DDR2: variants seen among roughly 807,000 people sequenced by gnomAD.
DDR2 encodes discoidin domain receptor tyrosine kinase 2, also known as discoidin domain-containing receptor 2.
Under a neutral mutation model 94.9 loss-of-function variants are expected in DDR2, and 27 were observed. That is an observed-to-expected ratio of 0.28 (90% CI 0.21 to 0.39). DDR2 has a LOEUF of 0.39. DDR2 is among the 10% of genes least tolerant of loss of function. The pLI, the probability that DDR2 is intolerant of heterozygous loss-of-function variation, is 1.00. For missense variants in DDR2, 783 were observed against 1,076.0 expected (o/e 0.73, Z 3.81); for synonymous variants, 382 against 377.2 (o/e 1.01, Z -0.15).
intron 14 of DDR2, among the ~76,000 whole-genome samples, chr1:162,774,029 C>A (rs1453996020): frequency 7.3e-6 from 1 of 137,272 alleles, no homozygotes; most frequent in Admixed American, 7.9e-5. Flanking sequence ...TTTCTCATCC[C>A]TTTTTTCTCT....
chr1:162,671,707 C>G (rs4656378), intron 2 of DDR2, among the ~76,000 whole-genome samples: 146,655 of 152,296 alleles, frequency 0.96, 70,865 homozygotes, highest in Middle Eastern at 1. Flanking sequence ...ATCTCTAGCT[C>G]CCTGATGGAC....
intron 2 of DDR2, among the ~76,000 whole-genome samples, chr1:162,681,706 A>G (rs1286425229): frequency 6.6e-6 from 1 of 152,124 alleles, no homozygotes; most frequent in Non-Finnish European, 1.5e-5. Context: ...CCTTAGTATA[A>G]GGGTACTAGT....
At chr1:162,673,606 TGTGAGAGAGA>T (rs1458217818) in intron 2 of DDR2, among the ~76,000 whole-genome samples, 36 of 101,086 alleles carry the variant, frequency 3.6e-4, no homozygotes, top group African/African-American at 1.7e-3. Context: ...TGTGTGTGTG[TGTGAGAGAGA>T]GAGAGAGAGA....
intron 2 of DDR2, among the ~76,000 whole-genome samples, chr1:162,699,145 A>T (rs1309912184): frequency 6.6e-6 from 1 of 152,230 alleles, no homozygotes; most frequent in Non-Finnish European, 1.5e-5. Flanking sequence ...ATGCCTGTGA[A>T]TGTGGGGAGA....
chr1:162,743,446 C>T (rs535434728), intron 3 of DDR2, among the ~76,000 whole-genome samples: 1 of 152,252 alleles, frequency 6.6e-6, no homozygotes, highest in Non-Finnish European at 1.5e-5. Context: ...ATAAATTTGC[C>T]TCTCTCTGAC....
At chr1:162,747,262 A>G (rs1306358948) in intron 3 of DDR2, among the ~76,000 whole-genome samples, 1 of 152,182 alleles carries the variant, frequency 6.6e-6, no homozygotes, top group African/African-American at 2.4e-5. Context: ...CAAAGAAGCT[A>G]AAAACCTTGA....
intron 1 of DDR2, among the ~76,000 whole-genome samples, chr1:162,645,775 T>C (rs1657377054): frequency 1.3e-5 from 2 of 152,186 alleles, no homozygotes; most frequent in African/African-American, 4.8e-5. Flanking sequence ...TTCTATGAGG[T>C]GTCATTTGAT....
At chr1:162,668,228 A>C (rs779590607) in intron 2 of DDR2, among the ~76,000 whole-genome samples, 1 of 152,224 alleles carries the variant, frequency 6.6e-6, no homozygotes, top group African/African-American at 2.4e-5. Flanking sequence ...TTGGAAAGCC[A>C]CTGGAAGTAA....
chr1:162,755,540 C>T lies in DDR2; in HGVS notation c.566-124C>T, dbSNP rs377026229. On this transcript the variant is annotated intron_variant, in intron 6 of 17. Coordinates refer to ENST00000367921, the MANE Select transcript of DDR2 (RefSeq NM_006182.4). ...GGAGGGGCACTCCTCCAAAGTCTTC[C>T]CTCGGTGTCCAGATGGAGTCCTGCT... 1.3e-4 allele frequency: 138 copies of T among 1,085,114 alleles called. No homozygotes were observed. In the South Asian group the frequency reaches 1.7e-3, roughly 13 times the overall value. 67.2% of individuals were successfully genotyped at this position (1,085,114 alleles called of 1,614,324 possible).
At chr1:162,669,371 T>A (rs1299470890) in intron 2 of DDR2, among the ~76,000 whole-genome samples, 1 of 152,232 alleles carries the variant, frequency 6.6e-6, no homozygotes, top group Non-Finnish European at 1.5e-5. Flanking sequence ...GTTCAAAGGC[T>A]ATGAAACAAT....
In DDR2 at chr1:162,670,173, C is replaced by G. The variant is rs564777336; in HGVS notation, c.-28+14799C>G. 5.3e-5 allele frequency among the ~76,000 whole-genome samples: 8 copies of G among 152,280 alleles called. No homozygotes were observed. In the South Asian group the frequency reaches 1.7e-3, roughly 32 times the overall value. ...TCGCCCAGGCTGGAGTGCAGTGGCA[C>G]GATCTCAGCTCACTGCGACCTCTGC... is the stretch of plus-strand genomic sequence containing the variant. On this transcript the variant is annotated intron_variant, in intron 2 of 17. Coordinates refer to ENST00000367921, the MANE Select transcript of DDR2 (RefSeq NM_006182.4).
rs1460257725 is a variant in DDR2, at chr1:162,748,892, C to T, written c.83-4203C>T. ...AACTACATGGAAACTGAACAACCTG[C>T]TCCTGAATGACTACTGGGTACATAA... On this transcript the variant is annotated intron_variant, in intron 3 of 17. Coordinates refer to ENST00000367921, the MANE Select transcript of DDR2 (RefSeq NM_006182.4). 6.6e-5 allele frequency among the ~76,000 whole-genome samples: 10 copies of T among 152,264 alleles called. No individual in the cohort carries two copies. In the East Asian group the frequency reaches 1.4e-3, roughly 21 times the overall value.
chr1:162,671,712 A>G (rs1416793052), intron 2 of DDR2, among the ~76,000 whole-genome samples: 1 of 152,130 alleles, frequency 6.6e-6, no homozygotes, highest in Non-Finnish European at 1.5e-5. Context: ...TAGCTCCCTG[A>G]TGGACACCTC....
At chr1:162,639,761 T>C (rs1226257664) in intron 1 of DDR2, among the ~76,000 whole-genome samples, 2 of 152,236 alleles carry the variant, frequency 1.3e-5, no homozygotes, top group Non-Finnish European at 2.9e-5. Flanking sequence ...TTACGATTTT[T>C]CAACTTTACG....
Position 162,778,732 on chromosome 1 carries a change from A to G in DDR2, c.2433+3A>G, listed in dbSNP as rs1647726466. The stretch of plus-strand genomic sequence containing the variant: ...TCTTCCGAGACCAAGGGAGGCAGGT[A>G]AGAACTGTTGGGGATGAATGGATGT... On this transcript the variant is annotated splice_donor_region_variant and intron_variant, in intron 17 of 17. Coordinates refer to ENST00000367921, the MANE Select transcript of DDR2 (RefSeq NM_006182.4). The G allele has an allele frequency of 1.9e-6, 3 of 1,613,796 alleles. No individual in the cohort carries two copies. Among genetic ancestry groups the G allele is most frequent in the Non-Finnish European group, 2.5e-6 (3 of 1,179,802 alleles).
rs77386672 is a variant in DDR2, at chr1:162,691,718, T to C, written c.-27-27319T>C. ...TTTCAAGCTACCAACATGGTGTCAA[T>C]TGGCTCACAGAAGCCCTGAAAATTT... On this transcript the variant is annotated intron_variant, in intron 2 of 17. Transcript: ENST00000367921. Among the ~76,000 whole-genome samples the C allele has an allele frequency of 2.9e-3, 439 of 152,370 alleles. 3 individuals carry two copies. The highest frequency in any genetic ancestry group is 0.01 in the African/African-American group (423 of 41,592).
intron 2 of DDR2, among the ~76,000 whole-genome samples, chr1:162,669,000 C>T (rs1658709522): frequency 6.6e-6 from 1 of 152,162 alleles, no homozygotes; most frequent in Non-Finnish European, 1.5e-5. Flanking sequence ...AGACTCCTGA[C>T]ATGATTTAAA....
intron 11 of DDR2, among the ~76,000 whole-genome samples, chr1:162,768,452 G>A (rs1664105882): frequency 6.6e-6 from 1 of 152,212 alleles, no homozygotes. Flanking sequence ...GGAATAGGAA[G>A]GAGGAGAAAT....
In DDR2 at chr1:162,759,993, G is replaced by A. The variant is rs1558070194; in HGVS notation, c.855+14G>A. On this transcript the variant is annotated intron_variant, in intron 8 of 17. Transcript: ENST00000367921. ...ACTACCATGAAGGTCAGTGGGGTCG[G>A]GTGTGGTGGAACTTCTTTAAGGAGG... 3 of 1,614,058 alleles carry A rather than the reference G, an allele frequency of 1.9e-6. No homozygotes were observed. In the Admixed American group the frequency reaches 5.0e-5, roughly 27 times the overall value.
Sources: gnomAD v4.1 joint callset for allele counts (sites outside exome capture counted in the v4.1 genomes callset) on GRCh38, gnomAD v4.1.1 for gene constraint, MANE v1.5 for transcripts, NCBI Gene and HGNC (gene_info 2026-07-23, HGNC 2026-07-21) for gene names.